HECTD4: variants seen among roughly 807,000 people sequenced by gnomAD.
HECTD4 encodes HECT domain E3 ubiquitin protein ligase 4, also known as probable E3 ubiquitin-protein ligase HECTD4.
Under a neutral mutation model 471.5 loss-of-function variants are expected in HECTD4, and 114 were observed. The observed-to-expected ratio is 0.24, with a 90% CI of 0.21 to 0.28. HECTD4 has a LOEUF of 0.28. Ranked by LOEUF, HECTD4 falls within the 10% of genes least tolerant of loss-of-function variation. The pLI is 1.00. For missense variants in HECTD4, 3,866 were observed against 5,651.5 expected (o/e 0.68, Z 10.13); for synonymous variants, 2,012 against 2,256.0 (o/e 0.89, Z 3.07).
chr12:112,380,948 T>C (rs1327411006), intron 1 of HECTD4, among the ~76,000 whole-genome samples: 1 of 152,158 alleles, frequency 6.6e-6, no homozygotes, highest in African/African-American at 2.4e-5. Flanking sequence ...AGCCAGAAGA[T>C]AGGCCATCCT....
At chr12:112,366,584 T>C in intron 1 of HECTD4, among the ~76,000 whole-genome samples, 1 of 150,252 alleles carries the variant, frequency 6.7e-6, no homozygotes, top group Admixed American at 6.7e-5. Flanking sequence ...CTTAATTATT[T>C]CAACATTAAA....
In HECTD4 at chr12:112,265,301, A is replaced by G; in HGVS notation, c.2499-6T>C. ...GTAAAAGTTCATCATTTAGTCTTTAAAATGCAGGAAAAATGTAACAATAAA... is the reference window on the plus strand; with the variant it reads ...GTAAAAGTTCATCATTTAGTCTTTAGAATGCAGGAAAAATGTAACAATAAA... On this transcript the variant is annotated splice_polypyrimidine_tract_variant and splice_region_variant and intron_variant, in intron 15 of 75. Transcript: ENST00000682272. 1.3e-6 allele frequency: 2 copies of G among 1,524,374 alleles called. No homozygotes were observed. The highest frequency in any genetic ancestry group is 1.8e-6 in the Non-Finnish European group (2 of 1,118,006). The allele number at this position is 1,524,374 out of a possible 1,614,324, so 94.4% of individuals were successfully genotyped here.
At chr12:112,234,769 C>T (rs531146312) in intron 37 of HECTD4, among the ~76,000 whole-genome samples, 1 of 152,344 alleles carries the variant, frequency 6.6e-6, no homozygotes, top group South Asian at 2.1e-4. Flanking sequence ...AAGCCCAAGT[C>T]ACACTGGAGG....
chr12:112,165,568 G>A (rs59036878), intron 72 of HECTD4, among the ~76,000 whole-genome samples: 11,268 of 151,982 alleles, frequency 0.074, 477 homozygotes, highest in East Asian at 0.22. Context: ...AGCCAGGATG[G>A]TCTCAATCTC....
chr12:112,332,735 A>G (rs1036211119), intron 1 of HECTD4, among the ~76,000 whole-genome samples: 4 of 151,908 alleles, frequency 2.6e-5, no homozygotes, highest in African/African-American at 7.2e-5. Flanking sequence ...TCATCCACCT[A>G]AAATATAATT....
Position 112,208,247 on chromosome 12 carries a change from T to C in HECTD4, c.8004+247A>G, listed in dbSNP as rs770843119. Among the ~76,000 whole-genome samples the C allele has an allele frequency of 5.3e-5, 8 of 152,360 alleles. 1 individual carries two copies. In the South Asian group the frequency reaches 1.4e-3, roughly 28 times the overall value. On this transcript the variant is annotated intron_variant, in intron 51 of 75. Coordinates refer to ENST00000682272, the MANE Select transcript of HECTD4 (RefSeq NM_001388303.1). ...GCACTTTCACAGGATTCTGAACTAT[T>C]GCAAAGCACTTCACTTCTCCAGTTT... is the stretch of plus-strand genomic sequence containing the variant.
intron 49 of HECTD4, among the ~76,000 whole-genome samples, chr12:112,211,567 A>T (rs1162606226): frequency 6.6e-6 from 1 of 151,682 alleles, no homozygotes; most frequent in Non-Finnish European, 1.5e-5. Context: ...AACGGGCAAG[A>T]ATGGGGACTG....
At chr12:112,270,204 T>G (rs1206285743) in intron 12 of HECTD4, 23 bp downstream of exon 12, 1 of 1,588,520 alleles carries the variant, frequency 6.3e-7, no homozygotes. Flanking sequence ...ATCATCTTAT[T>G]TATTTCAAAA....
intron 1 of HECTD4, among the ~76,000 whole-genome samples, chr12:112,370,650 G>GA (rs2036648504): frequency 6.6e-6 from 1 of 152,060 alleles, no homozygotes; most frequent in Non-Finnish European, 1.5e-5. Flanking sequence ...GAATATACAC[G>GA]AAAAAATTTT....
chr12:112,372,784 T>C (rs2036708032), intron 1 of HECTD4, among the ~76,000 whole-genome samples: 1 of 151,838 alleles, frequency 6.6e-6, no homozygotes, highest in African/African-American at 2.4e-5. Context: ...TGAGACAGGG[T>C]CTGGCTCTGT....
intron 49 of HECTD4, among the ~76,000 whole-genome samples, 199 bp from the exon 50 acceptor site, chr12:112,210,451 C>A (rs1319586578): frequency 6.6e-6 from 1 of 152,118 alleles, no homozygotes; most frequent in African/African-American, 2.4e-5. Flanking sequence ...GCCTCCCTGT[C>A]CCTCACCTCA....
rs2036889355 is a variant in HECTD4, at chr12:112,381,579, G to C, written c.177+373C>G. ...TCCCAAAGCTAAGCAACCTGGGTGT[G>C]CCCTGGAAGTGGGTCCTGGGGGCCC... is the stretch of plus-strand genomic sequence containing the variant. On this transcript the variant is annotated intron_variant, in intron 1 of 75. Coordinates refer to ENST00000682272, the MANE Select transcript of HECTD4 (RefSeq NM_001388303.1). The surrounding 1 kb of genome is among the most constrained non-coding windows in gnomAD (Gnocchi z 4.1). Among the ~76,000 whole-genome samples the C allele has an allele frequency of 6.6e-6, 1 of 152,196 alleles. No homozygotes were observed. The highest frequency in any genetic ancestry group is 1.5e-5 in the Non-Finnish European group (1 of 68,030).
intron 8 of HECTD4, among the ~76,000 whole-genome samples, chr12:112,280,947 C>T (rs530976545): frequency 6.7e-4 from 102 of 152,010 alleles, no homozygotes; most frequent in African/African-American, 2.4e-3. Context: ...CCCACCATCA[C>T]ACCCGGCTAA....
intron 1 of HECTD4, among the ~76,000 whole-genome samples, chr12:112,337,339 T>G (rs1193661040): frequency 1.3e-5 from 2 of 152,160 alleles, no homozygotes; most frequent in African/African-American, 4.8e-5. Context: ...GGGTAATACA[T>G]TTTCTGGGAT....
intron 60 of HECTD4, among the ~76,000 whole-genome samples, chr12:112,186,432 G>A (rs2031866631): frequency 1.4e-5 from 2 of 148,128 alleles, no homozygotes; most frequent in South Asian, 4.2e-4. Context: ...CTGACTCCTG[G>A]GTTCAAGCAA....
Position 112,168,026 on chromosome 12 carries a change from C to T in HECTD4, c.12209-109G>A, listed in dbSNP as rs1593887550. ...AGCGGCTACTCCTTCCACGGCCTAC[C>T]TGCCGCTGTGGCGGGGTAGAAAGAA... On this transcript the variant is annotated intron_variant, in intron 70 of 75. Coordinates refer to ENST00000682272, the MANE Select transcript of HECTD4 (RefSeq NM_001388303.1). 17 of 885,276 alleles carry T rather than the reference C, an allele frequency of 1.9e-5. No homozygotes were observed. The East Asian group carries it at 4.4e-4, about 23-fold the overall frequency. 54.8% of individuals were successfully genotyped at this position (885,276 alleles called of 1,614,324 possible). A position where few individuals can be genotyped will look rare whatever the true frequency, so the allele number is the denominator to read the frequency against.
chr12:112,362,754 A>G (rs1027850438), intron 1 of HECTD4, among the ~76,000 whole-genome samples: 3 of 150,744 alleles, frequency 2.0e-5, no homozygotes, highest in Admixed American at 6.6e-5. Flanking sequence ...ACCAGGCTGG[A>G]GTGCACTGGC....
intron 8 of HECTD4, among the ~76,000 whole-genome samples, chr12:112,282,121 C>T (rs919179240): frequency 4.6e-5 from 7 of 152,260 alleles, no homozygotes; most frequent in East Asian, 1.9e-4. Context: ...CGGTGGCTCA[C>T]GCCTGTAATC....
At chr12:112,266,065 AATAG>A (rs2135610519) in intron 14 of HECTD4, 82 bp from the exon 15 acceptor site, 1 of 1,001,486 alleles carries the variant, frequency 1.0e-6, no homozygotes, top group South Asian at 1.5e-5. Flanking sequence ...TTTTTAAACA[AATAG>A]ATTGTCGGCA....
Sources: gnomAD v4.1 joint callset for allele counts (sites outside exome capture counted in the v4.1 genomes callset) on GRCh38, gnomAD v4.1.1 for gene constraint, Gnocchi (gnomAD v3.1) non-coding constraint, MANE v1.5 for transcripts, NCBI Gene and HGNC (gene_info 2026-07-23, HGNC 2026-07-21) for gene names.